The following ROCK2 variants were observed in gnomAD, a reference collection of about 807,000 sequenced individuals.
ROCK2 encodes the protein rho-associated protein kinase 2.
Under a neutral mutation model 195.1 loss-of-function variants are expected in ROCK2, and 61 were observed. That is an observed-to-expected ratio of 0.31 (90% CI 0.25 to 0.39). The LOEUF (loss-of-function observed/expected upper bound fraction) is 0.39, where lower values mean the gene tolerates loss of function less well. Among genes scored for constraint, ROCK2 ranks in the 10% least tolerant of loss-of-function variants. The pLI is 1.00. For synonymous variants in ROCK2, 504 were observed against 545.5 expected (o/e 0.92, Z 1.06); for missense variants, 1,109 against 1,637.4 (o/e 0.68, Z 5.57).
In ROCK2 at chr2:11,181,230, A is replaced by C. The variant is rs1343110008; in HGVS notation, c.*2207T>G. On this transcript the variant is annotated 3_prime_UTR_variant, in exon 33 of 33. Transcript: ENST00000315872. ...TATATACTCTCCAATTCAGAATAGG[A>C]TAGAACCTCCCATAATGTAACAAAA... 2 of 148,292 alleles carry C rather than the reference A, an allele frequency of 1.3e-5. No homozygotes were observed. The highest frequency in any genetic ancestry group is 3.0e-5 in the Non-Finnish European group (2 of 67,164). 9.2% of individuals were successfully genotyped at this position (148,292 alleles called of 1,614,324 possible).
chr2:11,251,497 A>G (rs1164193860), intron 3 of ROCK2, among the ~76,000 whole-genome samples: 2 of 152,210 alleles, frequency 1.3e-5, no homozygotes, highest in African/African-American at 4.8e-5. Context: ...CTATATAGAT[A>G]GTAAGCAGAA....
intron 1 of ROCK2, among the ~76,000 whole-genome samples, chr2:11,340,469 C>G (rs547533622): frequency 8.7e-4 from 133 of 152,228 alleles, no homozygotes; most frequent in South Asian, 2.7e-3. Context: ...CCCTAGCTAA[C>G]TCATTTTCTT....
At chr2:11,231,352 C>G (rs1280721807) in intron 5 of ROCK2, among the ~76,000 whole-genome samples, 3 of 152,002 alleles carry the variant, frequency 2.0e-5, no homozygotes, top group African/African-American at 7.3e-5. Context: ...GGACTATAGG[C>G]CCGCGCCATC....
intron 5 of ROCK2, among the ~76,000 whole-genome samples, chr2:11,229,646 C>T (rs1055151220): frequency 6.7e-6 from 1 of 148,300 alleles, no homozygotes; most frequent in African/African-American, 2.5e-5. Flanking sequence ...AAGAAATGAA[C>T]TTGTTTTATA....
rs752522953 is a variant in ROCK2 at position 11,193,873 on chromosome 2, A to G, written c.3609-16T>C. On this transcript the variant is annotated splice_polypyrimidine_tract_variant and intron_variant, in intron 29 of 32. Transcript: ENST00000315872. The stretch of plus-strand genomic sequence containing the variant: ...AAATAACTTGCTATAAAAAATTTTG[A>G]ATAAAGGAATAAAATATCACCCAAG... The G allele has an allele frequency of 2.1e-6, 3 of 1,412,188 alleles. No individual in the cohort carries two copies. In the African/African-American group the frequency reaches 4.2e-5, roughly 20 times the overall value. The allele number at this position is 1,412,188 out of a possible 1,614,324, so 87.5% of individuals were successfully genotyped here.
At chr2:11,199,103 G>T (rs868558798) in intron 23 of ROCK2, among the ~76,000 whole-genome samples, 4 of 151,904 alleles carry the variant, frequency 2.6e-5, no homozygotes, top group South Asian at 2.1e-4. Flanking sequence ...GTTTCACTAT[G>T]TTGGTCAGGC....
At chr2:11,245,170 A>G (rs1344604434) in intron 4 of ROCK2, among the ~76,000 whole-genome samples, 2 of 151,336 alleles carry the variant, frequency 1.3e-5, no homozygotes, top group Non-Finnish European at 2.9e-5. Flanking sequence ...CTTATACATT[A>G]GCAATGAAAT....
chr2:11,184,180 A>T (rs1663107451), intron 32 of ROCK2, among the ~76,000 whole-genome samples: 1 of 152,208 alleles, frequency 6.6e-6, no homozygotes, highest in South Asian at 2.1e-4. Context: ...AGCACCACAC[A>T]CAAAAATGCC....
chr2:11,267,180 CA>C (rs887045404), intron 3 of ROCK2, among the ~76,000 whole-genome samples: 5 of 152,182 alleles, frequency 3.3e-5, no homozygotes, highest in African/African-American at 1.2e-4. Context: ...AAAATATTTA[CA>C]GCATGAATCT....
chr2:11,183,339 T>C lies in ROCK2; in HGVS notation c.*98A>G. On this transcript the variant is annotated 3_prime_UTR_variant, in exon 33 of 33. Transcript: ENST00000315872. ...TGTATGTATCAGTCTCTCAGGAAAATATAGCTTTTTAATAAATTTTGGGCC... is the reference window on the plus strand; with the variant it reads ...TGTATGTATCAGTCTCTCAGGAAAACATAGCTTTTTAATAAATTTTGGGCC... 1.1e-6 allele frequency: 1 copy of C among 931,608 alleles called. No individual in the cohort carries two copies. Among genetic ancestry groups the C allele is most frequent in the East Asian group, 2.5e-5 (1 of 40,216 alleles). 57.7% of individuals were successfully genotyped at this position (931,608 alleles called of 1,614,324 possible). A position where few individuals can be genotyped will look rare whatever the true frequency, so the allele number is the denominator to read the frequency against.
intron 1 of ROCK2, among the ~76,000 whole-genome samples, chr2:11,334,510 C>CAAAA (rs34182610): frequency 6.7e-5 from 6 of 89,622 alleles, no homozygotes; most frequent in Admixed American, 1.3e-4. Flanking sequence ...GACTCTGTCT[C>CAAAA]AAAAAAAAAA....
intron 1 of ROCK2, among the ~76,000 whole-genome samples, chr2:11,321,031 C>T (rs892944531): frequency 2.0e-5 from 3 of 152,176 alleles, no homozygotes; most frequent in African/African-American, 4.8e-5. Context: ...TAATTCCTGC[C>T]ATGCTAGCCA....
At chr2:11,215,725 CA>C in intron 13 of ROCK2, 80 bp from the exon 14 acceptor site, 1 of 1,213,250 alleles carries the variant, frequency 8.2e-7, no homozygotes, top group Non-Finnish European at 1.1e-6. Flanking sequence ...CTATTCCAAA[CA>C]GATAAAAAAG....
intron 5 of ROCK2, among the ~76,000 whole-genome samples, chr2:11,231,084 TAAAAA>T (rs778095752): frequency 2.6e-5 from 4 of 152,130 alleles, no homozygotes; most frequent in Non-Finnish European, 5.9e-5. Flanking sequence ...AAAAATTACT[TAAAAA>T]GAAAAGCTAC....
intron 1 of ROCK2, among the ~76,000 whole-genome samples, chr2:11,306,027 T>C (rs892760682): frequency 1.1e-4 from 16 of 152,140 alleles, no homozygotes; most frequent in African/African-American, 3.6e-4. Context: ...GTCAAGAGCA[T>C]GAGAGTCAAG....
chr2:11,285,441 C>T (rs1303264948), intron 3 of ROCK2, among the ~76,000 whole-genome samples: 3 of 151,916 alleles, frequency 2.0e-5, no homozygotes, highest in Non-Finnish European at 4.4e-5. Flanking sequence ...TCATATTATC[C>T]TCAAGTGTGT....
chr2:11,284,396 A>G (rs1458265268), intron 3 of ROCK2, among the ~76,000 whole-genome samples: 2 of 152,154 alleles, frequency 1.3e-5, no homozygotes, highest in Non-Finnish European at 2.9e-5. Context: ...AAACTATGAC[A>G]ATGGGTGAGT....
chr2:11,305,674 A>T (rs1307692414), intron 1 of ROCK2, among the ~76,000 whole-genome samples: 1 of 152,204 alleles, frequency 6.6e-6, no homozygotes, highest in Non-Finnish European at 1.5e-5. Flanking sequence ...ATGAGCTTGT[A>T]GCATCTTGTG....
intron 32 of ROCK2, among the ~76,000 whole-genome samples, chr2:11,184,287 A>G (rs1451433918): frequency 3.3e-5 from 5 of 152,234 alleles, no homozygotes; most frequent in Admixed American, 2.0e-4. Flanking sequence ...GAGATGGAGA[A>G]AGGAATCTCA....
Sources: gnomAD v4.1 joint callset for allele counts (sites outside exome capture counted in the v4.1 genomes callset) on GRCh38, gnomAD v4.1.1 for gene constraint, MANE v1.5 for transcripts, NCBI Gene and HGNC (gene_info 2026-07-23, HGNC 2026-07-21) for gene names.